The following DVL3 variants were observed in gnomAD, a reference collection of about 807,000 sequenced individuals.
DVL3 encodes segment polarity protein dishevelled homolog DVL-3.
A neutral mutation model predicts 67.4 loss-of-function variants in DVL3; 27 were observed. The ratio of observed to expected loss-of-function variants is 0.40; its 90% CI spans 0.30 to 0.55. The LOEUF (loss-of-function observed/expected upper bound fraction) is 0.55. Ranked by LOEUF, DVL3 falls within the 20% of genes least tolerant of loss-of-function variation. The probability of loss-of-function intolerance (pLI) is 0.46; values close to 1 mark genes in which losing one functional copy is unlikely to be tolerated. For synonymous variants in DVL3, 369 were observed against 396.8 expected (o/e 0.93, Z 0.83); for missense variants, 819 against 1,021.5 (o/e 0.80, Z 2.70).
chr3:184,164,689 C>G lies in DVL3; in HGVS notation c.463+88C>G. On this transcript the variant is annotated intron_variant, in intron 4 of 14. Transcript: ENST00000313143. This position sits in a 1 kb window ranked among gnomAD's most constrained non-coding sequence, Gnocchi z 5.3. The stretch of plus-strand genomic sequence containing the variant: ...CTACCCACCTTCTTGCCCTACTTCC[C>G]GAGCTCAGGATATGCCTGGCCCCAG... 1 of 1,569,908 alleles carries G rather than the reference C, an allele frequency of 6.4e-7. No homozygotes were observed. The highest frequency in any genetic ancestry group is 8.7e-7 in the Non-Finnish European group (1 of 1,154,398).
chr3:184,165,275 T>G lies in DVL3; in HGVS notation c.693+69T>G, dbSNP rs1714541347. On this transcript the variant is annotated intron_variant, in intron 6 of 14. Transcript: ENST00000313143. This position sits in a 1 kb window ranked among gnomAD's most constrained non-coding sequence, Gnocchi z 4.1. ...AGCCCTTCCTACGCAGGGCCAAGGC[T>G]TGTTCTTCCTTAGATCCCATCCCCC... The G allele has an allele frequency of 8.4e-6, 13 of 1,545,910 alleles. No homozygotes were observed. The highest frequency in any genetic ancestry group is 1.1e-5 in the Non-Finnish European group (12 of 1,136,934).
chr3:184,164,845 G>C lies in DVL3; in HGVS notation c.513G>C (p.Gly171=). 1 of 1,614,186 alleles carries C rather than the reference G, an allele frequency of 6.2e-7. No individual in the cohort carries two copies. Among genetic ancestry groups the C allele is most frequent in the South Asian group, 1.1e-5 (1 of 91,086 alleles). ...AGGGGGAACGGCGGCGAGAACCAGG[G>C]GGTTATGATAGCTCATCCACCCTTA... The part of the protein sequence containing the change: ...TAKGERRREP[G]GYDSSSTLMS... The change falls in exon 5 of 15, where the codon GGG becomes GGC. Residue 171 remains glycine, a synonymous_variant. Coordinates refer to ENST00000313143, the MANE Select transcript of DVL3 (RefSeq NM_004423.4). This position sits in a 1 kb window ranked among gnomAD's most constrained non-coding sequence, Gnocchi z 5.3.
rs1470549212 is a variant in DVL3, at chr3:184,163,743, C to T, written c.231+17C>T. 6.2e-7 allele frequency: 1 copy of T among 1,611,608 alleles called. No individual in the cohort carries two copies. The highest frequency in any genetic ancestry group is 1.3e-5 in the African/African-American group (1 of 74,954). ...GTGTCCTGGGTAAGGAGCCCTCAGC[C>T]TTCCATCCACCTGCATCCCTGTGCT... On this transcript the variant is annotated intron_variant, in intron 2 of 14. Transcript: ENST00000313143. This position sits in a 1 kb window ranked among gnomAD's most constrained non-coding sequence, Gnocchi z 4.5.
chr3:184,166,359 G>T lies in DVL3; in HGVS notation c.904-87G>T. 6.2e-7 allele frequency: 1 copy of T among 1,607,720 alleles called. No homozygotes were observed. The highest frequency in any genetic ancestry group is 1.3e-5 in the African/African-American group (1 of 74,872). ...CTCCTTCAGAGGCCCCTTCTTGGTT[G>T]GGGGAAGACTCCCTGACCTACCAAG... is the stretch of plus-strand genomic sequence containing the variant. On this transcript the variant is annotated intron_variant, in intron 8 of 14. Coordinates refer to ENST00000313143, the MANE Select transcript of DVL3 (RefSeq NM_004423.4). This position sits in a 1 kb window ranked among gnomAD's most constrained non-coding sequence, Gnocchi z 6.7.
At position 184,167,811 on chromosome 3, in the gene DVL3, G is replaced by C. The variant is rs1714652499; in HGVS notation, c.1331-87G>C. Reference sequence around the variant, plus strand: ...TGCCTTGGACCCTTCCTTTGATCTGGAGCCAGCCCCAGCCTCATAGCTTCT... The same window carrying C: ...TGCCTTGGACCCTTCCTTTGATCTGCAGCCAGCCCCAGCCTCATAGCTTCT... On this transcript the variant is annotated intron_variant, in intron 12 of 14. Coordinates refer to ENST00000313143, the MANE Select transcript of DVL3 (RefSeq NM_004423.4). This position sits in a 1 kb window ranked among gnomAD's most constrained non-coding sequence, Gnocchi z 4.6. 3 of 1,602,508 alleles carry C rather than the reference G, an allele frequency of 1.9e-6. No homozygotes were observed. The Admixed American group carries it at 5.1e-5, about 27-fold the overall frequency.
In DVL3 at chr3:184,170,794, A is replaced by G; in HGVS notation, c.*39A>G. 1 of 1,608,016 alleles carries G rather than the reference A, an allele frequency of 6.2e-7. No individual in the cohort carries two copies. The highest frequency in any genetic ancestry group is 8.5e-7 in the Non-Finnish European group (1 of 1,177,630). ...CCCAGCTCCATTCCGCTCCCACCCC[A>G]GCCGGCTGCGTTCCTCTCTCCATCC... On this transcript the variant is annotated 3_prime_UTR_variant, in exon 15 of 15. Coordinates refer to ENST00000313143, the MANE Select transcript of DVL3 (RefSeq NM_004423.4). This position sits in a 1 kb window ranked among gnomAD's most constrained non-coding sequence, Gnocchi z 6.5.
Position 184,170,563 on chromosome 3 carries a change from C to T in DVL3, c.1959C>T (p.Tyr653=), listed in dbSNP as rs747213826. Residue 653 remains tyrosine (Y), a synonymous_variant, in exon 15 of 15, where the codon TAC becomes TAT. Coordinates refer to ENST00000313143, the MANE Select transcript of DVL3 (RefSeq NM_004423.4). This position sits in a 1 kb window ranked among gnomAD's most constrained non-coding sequence, Gnocchi z 6.5. ...SLRSHHTHPS[Y]GPPGVPPLYG... ...GCAGCCACCACACACACCCGAGCTACGGTCCTCCCGGAGTGCCCCCTCTCT... is the reference window on the plus strand; with the variant it reads ...GCAGCCACCACACACACCCGAGCTATGGTCCTCCCGGAGTGCCCCCTCTCT... 7.4e-6 allele frequency: 12 copies of T among 1,612,436 alleles called. No individual in the cohort carries two copies. The Admixed American group carries it at 2.0e-4, about 27-fold the overall frequency.
At position 184,166,721 on chromosome 3, in the gene DVL3, A is replaced by G. The variant is rs747972758; in HGVS notation, c.1048+48A>G. The G allele has an allele frequency of 2.8e-5, 45 of 1,612,090 alleles. No homozygotes were observed. The highest frequency in any genetic ancestry group is 3.6e-5 in the Non-Finnish European group (43 of 1,178,946). On this transcript the variant is annotated intron_variant, in intron 10 of 14. Transcript: ENST00000313143. This position sits in a 1 kb window ranked among gnomAD's most constrained non-coding sequence, Gnocchi z 6.7. ...CCTAAAGCTGGTGCTTACATACATGAGCACTGTCTCTCCTTTCTTCTCTCA... is the reference window on the plus strand; with the variant it reads ...CCTAAAGCTGGTGCTTACATACATGGGCACTGTCTCTCCTTTCTTCTCTCA...
intron 1 of DVL3, among the ~76,000 whole-genome samples, chr3:184,157,427 C>G (rs1714237936): frequency 1.3e-5 from 2 of 152,158 alleles, no homozygotes; most frequent in African/African-American, 4.8e-5. Flanking sequence ...GTACTTATCT[C>G]CAGACCCACT....
At chr3:184,162,560 C>CTTTT (rs35869796) in intron 1 of DVL3, among the ~76,000 whole-genome samples, 6 of 123,544 alleles carry the variant, frequency 4.9e-5, no homozygotes, top group Non-Finnish European at 8.2e-5. Context: ...TTTTTCTTTT[C>CTTTT]TTTTTTTTTT....
In DVL3 at chr3:184,165,772, G is replaced by A. The variant is rs1487613540; in HGVS notation, c.763+281G>A. ...CACATCTCTCAGCCATTGCATCCTTGCTCTCCGATTTCTGCCCTAGGTACT... is the reference window on the plus strand; with the variant it reads ...CACATCTCTCAGCCATTGCATCCTTACTCTCCGATTTCTGCCCTAGGTACT... On this transcript the variant is annotated intron_variant, in intron 7 of 14. Transcript: ENST00000313143. This position sits in a 1 kb window ranked among gnomAD's most constrained non-coding sequence, Gnocchi z 4.1. 6.6e-6 allele frequency among the ~76,000 whole-genome samples: 1 copy of A among 152,192 alleles called. No homozygotes were observed. The highest frequency in any genetic ancestry group is 1.5e-5 in the Non-Finnish European group (1 of 68,036).
Position 184,167,225 on chromosome 3 carries a change from T to C in DVL3, c.1198+250T>C, listed in dbSNP as rs1253360950. ...CTCTTACAAAATGGGACTCACGATA[T>C]AAACTTTACCAGGTTCCTGTGGGTT... On this transcript the variant is annotated intron_variant, in intron 11 of 14. Transcript: ENST00000313143. The surrounding 1 kb of genome is among the most constrained non-coding windows in gnomAD (Gnocchi z 4.6). Among the ~76,000 whole-genome samples, 1 of 152,182 alleles carries C rather than the reference T, an allele frequency of 6.6e-6. No individual in the cohort carries two copies. Among genetic ancestry groups the C allele is most frequent in the Non-Finnish European group, 1.5e-5 (1 of 68,034 alleles).
In DVL3 at chr3:184,165,084, C is replaced by G; in HGVS notation, c.600-29C>G. The G allele has an allele frequency of 1.9e-6, 3 of 1,613,698 alleles. No individual in the cohort carries two copies. Among genetic ancestry groups the G allele is most frequent in the Non-Finnish European group, 2.5e-6 (3 of 1,179,794 alleles). On this transcript the variant is annotated intron_variant, in intron 5 of 14. Coordinates refer to ENST00000313143, the MANE Select transcript of DVL3 (RefSeq NM_004423.4). The surrounding 1 kb of genome is among the most constrained non-coding windows in gnomAD (Gnocchi z 4.1). ...CTCATGGGGGCAGGGCTGGGCCAGC[C>G]TGGTGGGGAACGACTGTGGGCCCCA...
At chr3:184,168,584 T>C (rs183935969) in intron 13 of DVL3, among the ~76,000 whole-genome samples, 41 of 152,292 alleles carry the variant, frequency 2.7e-4, no homozygotes, top group Non-Finnish European at 5.3e-4. Flanking sequence ...TGCTGGCCTC[T>C]TGACAGGTTG....
In DVL3 at chr3:184,163,811, GTTTTAAGC is replaced by G. The variant is rs1714465451; in HGVS notation, c.231+88_231+95del. 18 of 1,233,264 alleles carry G rather than the reference GTTTTAAGC, an allele frequency of 1.5e-5. No homozygotes were observed. Among genetic ancestry groups the G allele is most frequent in the Non-Finnish European group, 1.9e-5 (16 of 845,986 alleles). 76.4% of individuals were successfully genotyped at this position (1,233,264 alleles called of 1,614,324 possible). A position where few individuals can be genotyped will look rare whatever the true frequency, so the allele number is the denominator to read the frequency against. On this transcript the variant is annotated intron_variant, in intron 2 of 14. Coordinates refer to ENST00000313143, the MANE Select transcript of DVL3 (RefSeq NM_004423.4). The surrounding 1 kb of genome is among the most constrained non-coding windows in gnomAD (Gnocchi z 4.5). Reference sequence around the variant, plus strand: ...GGCATCACTGAGATTGTAGCTGGTGGTTTTAAGCTTCAGTATCTGAATCTTTCTTTAGT... The same window carrying G: ...GGCATCACTGAGATTGTAGCTGGTGGTTCAGTATCTGAATCTTTCTTTAGT...
Position 184,165,299 on chromosome 3 carries a change from C to A in DVL3, c.693+93C>A. On this transcript the variant is annotated intron_variant, in intron 6 of 14. Transcript: ENST00000313143. This position sits in a 1 kb window ranked among gnomAD's most constrained non-coding sequence, Gnocchi z 4.1. ...CTTGTTCTTCCTTAGATCCCATCCC[C>A]CTAGTGCAGTGTTGAGAACCTTGGG... is the stretch of plus-strand genomic sequence containing the variant. 1 of 1,537,822 alleles carries A rather than the reference C, an allele frequency of 6.5e-7. No homozygotes were observed. The highest frequency in any genetic ancestry group is 8.9e-7 in the Non-Finnish European group (1 of 1,127,114).
intron 1 of DVL3, among the ~76,000 whole-genome samples, chr3:184,162,265 A>G (rs1009254882): frequency 5.3e-5 from 8 of 150,830 alleles, no homozygotes; most frequent in Non-Finnish European, 1.2e-4. Context: ...GCAGCCTTGA[A>G]CTCCTAGGCT....
rs1393989823 is a variant in DVL3, at chr3:184,165,059, C to T, written c.600-54C>T. The T allele has an allele frequency of 6.2e-7, 1 of 1,611,062 alleles. No individual in the cohort carries two copies. Among genetic ancestry groups the T allele is most frequent in the Non-Finnish European group, 8.5e-7 (1 of 1,178,346 alleles). On this transcript the variant is annotated intron_variant, in intron 5 of 14. Coordinates refer to ENST00000313143, the MANE Select transcript of DVL3 (RefSeq NM_004423.4). This position sits in a 1 kb window ranked among gnomAD's most constrained non-coding sequence, Gnocchi z 4.1. ...GGACCCAGGCCCTGCAGTGCCTCCC[C>T]TCATGGGGGCAGGGCTGGGCCAGCC...
chr3:184,158,263 T>G (rs1397691961), intron 1 of DVL3, among the ~76,000 whole-genome samples: 1 of 150,936 alleles, frequency 6.6e-6, no homozygotes, highest in Non-Finnish European at 1.5e-5. Context: ...AGCATAGGAG[T>G]TTGGGGCTGC....
Sources: allele counts gnomAD v4.1 joint callset (sites outside exome capture counted in the v4.1 genomes callset), GRCh38; gene constraint gnomAD v4.1.1; non-coding constraint Gnocchi (gnomAD v3.1); transcripts MANE v1.5; gene names NCBI Gene and HGNC (gene_info 2026-07-23, HGNC 2026-07-21).